Variants in ACOXL observed in about 807,000 individuals in gnomAD.
The protein encoded by ACOXL is acyl-coenzyme A oxidase-like protein.
A neutral mutation model predicts 71.9 loss-of-function variants in ACOXL; 70 were observed. The observed-to-expected ratio is 0.97, with a 90% CI of 0.80 to 1.19. The LOEUF is 1.19. Ranked by LOEUF, ACOXL falls within the 50% of genes most tolerant of loss-of-function variation. The pLI, the probability that ACOXL is intolerant of heterozygous loss-of-function variation, is 0.00. For missense variants in ACOXL, 703 were observed against 736.3 expected, an observed-to-expected ratio of 0.95 and a Z score of 0.52; for synonymous variants, 253 against 281.6, an observed-to-expected ratio of 0.90 and a Z score of 1.02.
At chr2:110,799,921 G>A (rs148558518) in intron 7 of ACOXL, among the ~76,000 whole-genome samples, 16 of 152,114 alleles carry the variant, frequency 1.1e-4, no homozygotes, top group African/African-American at 1.9e-4. Flanking sequence ...ACCAATCAGC[G>A]CCCTCTAAAA....
intron 12 of ACOXL, among the ~76,000 whole-genome samples, chr2:110,950,490 G>A (rs1253450003): frequency 6.6e-6 from 1 of 152,116 alleles, no homozygotes; most frequent in African/African-American, 2.4e-5. Flanking sequence ...AATGGATAGC[G>A]GCCAGACATA....
chr2:111,080,540 A>T (rs2067849428), intron 16 of ACOXL, among the ~76,000 whole-genome samples: 1 of 152,172 alleles, frequency 6.6e-6, no homozygotes, highest in East Asian at 1.9e-4. Context: ...TAGCCTATCA[A>T]CCAAAAAAAG....
At chr2:110,915,695 T>C (rs1397141583) in intron 11 of ACOXL, among the ~76,000 whole-genome samples, 1 of 152,018 alleles carries the variant, frequency 6.6e-6, no homozygotes, top group Non-Finnish European at 1.5e-5. Context: ...CTCAAAGTGC[T>C]GGGATTACAG....
intron 10 of ACOXL, among the ~76,000 whole-genome samples, chr2:110,857,965 A>G (rs932941854): frequency 6.6e-5 from 10 of 152,114 alleles, no homozygotes; most frequent in African/African-American, 9.7e-5. Context: ...GCCTCAAGCA[A>G]TCCACCCACC....
chr2:110,826,175 C>T (rs1352132036), intron 9 of ACOXL, among the ~76,000 whole-genome samples: 1 of 152,138 alleles, frequency 6.6e-6, no homozygotes, highest in African/African-American at 2.4e-5. Context: ...CTTTTTGCTG[C>T]CCTCTCCTAT....
intron 11 of ACOXL, among the ~76,000 whole-genome samples, chr2:110,913,352 C>T (rs1448862860): frequency 6.6e-6 from 1 of 152,054 alleles, no homozygotes; most frequent in Non-Finnish European, 1.5e-5. Context: ...GGAAAAAATC[C>T]AGATGTCCAT....
At chr2:110,834,403 G>C (rs901869783) in intron 9 of ACOXL, among the ~76,000 whole-genome samples, 5 of 152,212 alleles carry the variant, frequency 3.3e-5, no homozygotes, top group Non-Finnish European at 5.9e-5. Context: ...GAGAAGCAAA[G>C]GAACTAGAGT....
chr2:110,785,486 C>T, intron 3 of ACOXL, among the ~76,000 whole-genome samples: 1 of 151,664 alleles, frequency 6.6e-6, no homozygotes, highest in East Asian at 1.9e-4. Context: ...CAGAAAGAAA[C>T]TTCCGGGTCC....
At chr2:110,763,293 A>T (rs1291796331) in intron 1 of ACOXL, among the ~76,000 whole-genome samples, 2 of 152,250 alleles carry the variant, frequency 1.3e-5, no homozygotes, top group Non-Finnish European at 2.9e-5. Context: ...CTTACTACAA[A>T]TCTACAGTAA....
At chr2:110,782,887 C>T (rs1218967853) in intron 2 of ACOXL, among the ~76,000 whole-genome samples, 1 of 152,142 alleles carries the variant, frequency 6.6e-6, no homozygotes, top group East Asian at 1.9e-4. Flanking sequence ...GAGAGGGTGA[C>T]TCTCAGGAAG....
chr2:110,790,897 C>T (rs1049761911), intron 3 of ACOXL, among the ~76,000 whole-genome samples: 3 of 152,226 alleles, frequency 2.0e-5, no homozygotes, highest in African/African-American at 4.8e-5. Context: ...GCCACACACC[C>T]AGGTGTCTCT....
intron 14 of ACOXL, among the ~76,000 whole-genome samples, chr2:111,026,960 G>C (rs907274548): frequency 8.5e-5 from 13 of 152,080 alleles, no homozygotes; most frequent in African/African-American, 2.9e-4. Flanking sequence ...GCAGTGATAC[G>C]ATCATGGCTC....
intron 17 of ACOXL, among the ~76,000 whole-genome samples, chr2:111,094,500 C>T (rs1302153103): frequency 6.6e-6 from 1 of 152,122 alleles, no homozygotes; most frequent in African/African-American, 2.4e-5. Context: ...AGCACCATCC[C>T]ATGGAAGGGA....
intron 9 of ACOXL, among the ~76,000 whole-genome samples, chr2:110,828,183 G>T (rs1689390320): frequency 6.6e-6 from 1 of 152,072 alleles, no homozygotes; most frequent in Non-Finnish European, 1.5e-5. Flanking sequence ...TGTTGCCCAC[G>T]CTGGTCTCAA....
At chr2:111,026,249 G>A (rs1433084481) in intron 14 of ACOXL, among the ~76,000 whole-genome samples, 2 of 152,016 alleles carry the variant, frequency 1.3e-5, no homozygotes, top group Non-Finnish European at 2.9e-5. Context: ...TAGGTCCTCT[G>A]TATTCTTTTA....
chr2:110,766,146 G>A (rs948316675), intron 1 of ACOXL, among the ~76,000 whole-genome samples: 4 of 152,024 alleles, frequency 2.6e-5, no homozygotes, highest in African/African-American at 4.8e-5. Context: ...CTTGGTGTGG[G>A]TATCTGTTGA....
At chr2:110,746,499 A>C (rs1457319805) in intron 1 of ACOXL, among the ~76,000 whole-genome samples, 4 of 152,120 alleles carry the variant, frequency 2.6e-5, no homozygotes, top group Non-Finnish European at 5.9e-5. Context: ...TGGACAAGTA[A>C]GTGCATGAGT....
chr2:110,893,081 A>G (rs547468183), intron 10 of ACOXL, among the ~76,000 whole-genome samples: 88 of 152,238 alleles, frequency 5.8e-4, no homozygotes, highest in Non-Finnish European at 1.1e-3. Context: ...TCATACAGTT[A>G]AAAAATGCTT....
intron 12 of ACOXL, among the ~76,000 whole-genome samples, chr2:110,978,436 T>A (rs937885352): frequency 1.3e-5 from 2 of 152,182 alleles, no homozygotes; most frequent in Non-Finnish European, 2.9e-5. Context: ...ATTCAAACCG[T>A]AGCAGAGAGT....
Sources: allele counts gnomAD v4.1 joint callset (sites outside exome capture counted in the v4.1 genomes callset), GRCh38; gene constraint gnomAD v4.1.1; transcripts MANE v1.5; gene names NCBI Gene and HGNC (gene_info 2026-07-23, HGNC 2026-07-21).